The following SLC75A1 variants were observed in gnomAD, a reference collection of about 807,000 sequenced individuals.
SLC75A1 encodes major facilitator superfamily domain containing 10.
At chr4:2,930,689 G>T in the SLC75A1 span, 4 of 780,790 alleles carry the variant, frequency 5.1e-6, no homozygotes, top group Non-Finnish European at 8.2e-6. Flanking sequence ...AGTAAGTCTG[G>T]AGGAGCTGCC....
chr4:2,932,413 C>T, the SLC75A1 span: 5 of 1,613,610 alleles, frequency 3.1e-6, no homozygotes, highest in East Asian at 2.2e-5. Flanking sequence ...TCGGAGGCTG[C>T]GAAGAGCAGG....
At chr4:2,932,840 A>G in the SLC75A1 span, 1 of 1,470,922 alleles carries the variant, frequency 6.8e-7, no homozygotes, top group South Asian at 1.4e-5. Flanking sequence ...CAACCCAGAC[A>G]ACACCCCTCA....
At chr4:2,932,586 G>A in the SLC75A1 span, 3 of 1,613,046 alleles carry the variant, frequency 1.9e-6, no homozygotes, top group African/African-American at 1.3e-5. Context: ...CAAAGGCCCA[G>A]CCTGTGCACT....
chr4:2,933,012 C>A, the SLC75A1 span: 4 of 1,269,574 alleles, frequency 3.2e-6, no homozygotes, highest in East Asian at 2.5e-5. Context: ...CCATGAGGGG[C>A]CCACAGCCAC....
At chr4:2,932,394 A>G in the SLC75A1 span, 1 of 1,613,588 alleles carries the variant, frequency 6.2e-7, no homozygotes. Context: ...GCAGAAGATG[A>G]ACAGCAGGTC....
At chr4:2,933,947 G>A in the SLC75A1 span, 3 of 1,547,048 alleles carry the variant, frequency 1.9e-6, no homozygotes, top group South Asian at 1.2e-5. Context: ...GACCTGGCCT[G>A]GGTGGGGTGC....
the SLC75A1 span, chr4:2,930,760 G>A: frequency 6.8e-7 from 1 of 1,476,254 alleles, no homozygotes; most frequent in Non-Finnish European, 9.2e-7. Context: ...GGCGGGGGGT[G>A]GGGGTCAGGC....
At chr4:2,933,129 G>A in the SLC75A1 span, 23 of 1,613,442 alleles carry the variant, frequency 1.4e-5, no homozygotes, top group Admixed American at 5.0e-5. Flanking sequence ...ATCACCGGGC[G>A]CCTCCCCAAG....
At chr4:2,930,814 C>T in the SLC75A1 span, 7 of 1,611,694 alleles carry the variant, frequency 4.3e-6, no homozygotes, top group African/African-American at 9.3e-5. Context: ...GCCTGGTGCC[C>T]ACAGCCTGGG....
At chr4:2,932,074 G>T in the SLC75A1 span, 1 of 1,611,094 alleles carries the variant, frequency 6.2e-7, no homozygotes, top group Non-Finnish European at 8.5e-7. Flanking sequence ...CTGGCCACGA[G>T]CGACAGCCGA....
chr4:2,933,942 G>C, the SLC75A1 span: 28 of 1,549,060 alleles, frequency 1.8e-5, no homozygotes, highest in Middle Eastern at 2.2e-4. Flanking sequence ...GCTCTGACCT[G>C]GCCTGGGTGG....
chr4:2,931,793 A>G, the SLC75A1 span: 4 of 1,562,430 alleles, frequency 2.6e-6, no homozygotes, highest in South Asian at 4.6e-5. Context: ...TATTTCAGGG[A>G]GACAGCAGGC....
the SLC75A1 span, chr4:2,932,844 C>T: frequency 6.8e-7 from 1 of 1,464,018 alleles, no homozygotes; most frequent in African/African-American, 1.4e-5. Context: ...CCAGACAACA[C>T]CCCTCAACCC....
the SLC75A1 span, chr4:2,931,603 G>A: frequency 1.2e-5 from 19 of 1,613,564 alleles, no homozygotes; most frequent in Non-Finnish European, 1.6e-5. Flanking sequence ...GCCGGGCATA[G>A]GCACCCTGGA....
At chr4:2,931,534 G>T in the SLC75A1 span, 2 of 1,606,208 alleles carry the variant, frequency 1.2e-6, no homozygotes, top group Non-Finnish European at 8.5e-7. Context: ...CCTGCCACCC[G>T]CTTTGGAGGG....
the SLC75A1 span, chr4:2,933,606 T>A: frequency 6.2e-7 from 1 of 1,613,544 alleles, no homozygotes; most frequent in South Asian, 1.1e-5. Flanking sequence ...TCCACTGGCA[T>A]CCCGATGGCG....
the SLC75A1 span, chr4:2,933,939 C>G: frequency 6.4e-7 from 1 of 1,553,312 alleles, no homozygotes; most frequent in Non-Finnish European, 8.7e-7. Context: ...GCTGCTCTGA[C>G]CTGGCCTGGG....
At chr4:2,933,805 G>T in the SLC75A1 span, 2 of 1,591,310 alleles carry the variant, frequency 1.3e-6, no homozygotes, top group Non-Finnish European at 1.7e-6. Flanking sequence ...CAGCAGCAGC[G>T]TGAAGGCCAG....
the SLC75A1 span, chr4:2,933,429 T>C: frequency 1.0e-6 from 1 of 1,004,092 alleles, no homozygotes; most frequent in Non-Finnish European, 1.5e-6. Flanking sequence ...AGCCAGGACA[T>C]GTGGGCAAGG....
Sources: allele counts gnomAD v4.1 joint callset, GRCh38; gene constraint gnomAD v4.1.1; transcripts MANE v1.5; gene names NCBI Gene and HGNC (gene_info 2026-07-23, HGNC 2026-07-21).